The following SERPINE3 variants were observed in gnomAD, a reference collection of about 807,000 sequenced individuals.
SERPINE3 encodes the protein serpin E3.
A neutral mutation model predicts 41.7 loss-of-function variants in SERPINE3; 43 were observed. The ratio of observed to expected loss-of-function variants is 1.03; its 90% CI spans 0.81 to 1.33. The LOEUF (loss-of-function observed/expected upper bound fraction) is 1.33. Among genes scored for constraint, SERPINE3 ranks in the 40% most tolerant of loss-of-function variants. SERPINE3 has a pLI of 0.00. For synonymous variants in SERPINE3, 200 were observed against 192.2 expected (o/e 1.04, Z -0.34); for missense variants, 440 against 491.7 (o/e 0.89, Z 0.99).
chr13:51,354,867 G>A (rs947101763), intron 6 of SERPINE3, among the ~76,000 whole-genome samples, 176 bp from the exon 7 acceptor site: 1 of 152,182 alleles, frequency 6.6e-6, no homozygotes, highest in African/African-American at 2.4e-5. Context: ...AGGTGGGGAA[G>A]AGCCCTGTGT....
chr13:51,344,940 A>T (rs547683547), intron 4 of SERPINE3, among the ~76,000 whole-genome samples: 1 of 152,286 alleles, frequency 6.6e-6, no homozygotes, highest in Admixed American at 6.5e-5. Flanking sequence ...ACACACAATA[A>T]GATGTTTAGC....
intron 6 of SERPINE3, among the ~76,000 whole-genome samples, chr13:51,350,904 C>T (rs1247196729): frequency 6.6e-6 from 1 of 152,058 alleles, no homozygotes; most frequent in East Asian, 1.9e-4. Flanking sequence ...TACAATTATA[C>T]AATATGTGGC....
At chr13:51,339,942 G>C (rs1183531761) in intron 1 of SERPINE3, among the ~76,000 whole-genome samples, 199 bp downstream of exon 1, 3 of 152,162 alleles carry the variant, frequency 2.0e-5, no homozygotes, top group Non-Finnish European at 4.4e-5. Flanking sequence ...GAAAGAGAGA[G>C]AGAGAGAGCC....
Position 51,347,031 on chromosome 13 carries a change from G to T in SERPINE3, c.497G>T (p.Gly166Val). The change falls in exon 5 of 10, where the codon GGC becomes GTC. Residue 166 changes from glycine (G) to valine (V), a missense_variant. Gly to Val is a moderately radical substitution (Grantham distance 109). Transcript: ENST00000681248. ...CTTGCTTTCCTGCTTGCAGGTGGGGGCCCCAGTGAGGGCCCTGGTGGCTGG... is the reference window on the plus strand; with the variant it reads ...CTTGCTTTCCTGCTTGCAGGTGGGGTCCCCAGTGAGGGCCCTGGTGGCTGG... Reference protein sequence around the residue: ...EGASRETAGGGPSEGPGGWPW... With the variant: ...EGASRETAGGVPSEGPGGWPW... 1 of 1,577,668 alleles carries T rather than the reference G, an allele frequency of 6.3e-7. No individual in the cohort carries two copies. The highest frequency in any genetic ancestry group is 8.6e-7 in the Non-Finnish European group (1 of 1,161,108).
rs371886858 is a variant in SERPINE3 at position 51,342,623 on chromosome 13, TCTA to T, written c.256+1280_256+1282del. Among the ~76,000 whole-genome samples, 79 of 152,254 alleles carry T rather than the reference TCTA, an allele frequency of 5.2e-4. No homozygotes were observed. In the East Asian group the frequency reaches 0.012, roughly 23 times the overall value. On this transcript the variant is annotated intron_variant, in intron 3 of 9. Transcript: ENST00000681248. ...AAAAATTCACTTCAAGCCAACTTAC[TCTA>T]CTATTTTAATGTTTCTGACTAAAAG...
At chr13:51,361,774 A>C (rs1410246716) in intron 8 of SERPINE3, 36 bp from the exon 9 acceptor site, 2 of 1,550,128 alleles carry the variant, frequency 1.3e-6, no homozygotes, top group South Asian at 2.4e-5. Flanking sequence ...AAAAATGCAC[A>C]GAAAATGCAA....
chr13:51,354,591 GAA>G (rs11318595), intron 6 of SERPINE3, among the ~76,000 whole-genome samples: 6 of 130,014 alleles, frequency 4.6e-5, no homozygotes, highest in East Asian at 4.5e-4. Context: ...CCCCATCTCA[GAA>G]AAAAAAAAAA....
At chr13:51,350,565 T>C (rs1955394358) in intron 6 of SERPINE3, among the ~76,000 whole-genome samples, 1 of 152,180 alleles carries the variant, frequency 6.6e-6, no homozygotes, top group Non-Finnish European at 1.5e-5. Flanking sequence ...AGTTTTGCCC[T>C]TCCTCCCAGG....
chr13:51,348,292 G>C lies in SERPINE3; in HGVS notation c.780G>C (p.Leu260=), dbSNP rs548142437. 12 of 1,611,928 alleles carry C rather than the reference G, an allele frequency of 7.4e-6. No homozygotes were observed. The Admixed American group carries it at 8.4e-5, about 11-fold the overall frequency. The change falls in exon 6 of 10, where the codon CTG becomes CTC. Residue 260 remains leucine (L), a synonymous_variant. Coordinates refer to ENST00000681248, the MANE Select transcript of SERPINE3 (RefSeq NM_001386375.1). ...TGGGAAGTGCAGTGAGTCTGTTCCT[G>C]GTGCTGCCCCGTGACAAAGACACCC... is the stretch of plus-strand genomic sequence containing the variant. ...PYLGSAVSLF[L]VLPRDKDTPL...
intron 7 of SERPINE3, among the ~76,000 whole-genome samples, chr13:51,356,070 T>C (rs765750808): frequency 6.6e-6 from 1 of 152,190 alleles, no homozygotes; most frequent in Non-Finnish European, 1.5e-5. Context: ...GTTTGGGCTT[T>C]AGATGTGACC....
At chr13:51,355,292 T>C in intron 7 of SERPINE3, 149 bp downstream of exon 7, 3 of 577,300 alleles carry the variant, frequency 5.2e-6, no homozygotes, top group Non-Finnish European at 9.2e-6. Context: ...TTGCTTCTAA[T>C]AACAGTCAAA....
At chr13:51,350,937 A>G (rs75229700) in intron 6 of SERPINE3, among the ~76,000 whole-genome samples, 1 of 152,270 alleles carries the variant, frequency 6.6e-6, no homozygotes, top group African/African-American at 2.4e-5. Flanking sequence ...GCTTCTTTGC[A>G]TAATATTTTC....
At chr13:51,340,010 T>C (rs933652546) in intron 1 of SERPINE3, among the ~76,000 whole-genome samples, 2 of 152,008 alleles carry the variant, frequency 1.3e-5, no homozygotes, top group East Asian at 3.8e-4. Flanking sequence ...GAGGAAGGGT[T>C]GGAAAAAAGA....
Position 51,364,405 on chromosome 13 carries a change from A to G in SERPINE3, c.*123A>G. On this transcript the variant is annotated 3_prime_UTR_variant, in exon 10 of 10. Transcript: ENST00000681248. ...AAAAGCTAAGGGTATGTGATTTTCAATATTATAAACCTAAAAATACTTCAG... is the reference window on the plus strand; with the variant it reads ...AAAAGCTAAGGGTATGTGATTTTCAGTATTATAAACCTAAAAATACTTCAG... 1 of 522,416 alleles carries G rather than the reference A, an allele frequency of 1.9e-6. No individual in the cohort carries two copies. Among genetic ancestry groups the G allele is most frequent in the Non-Finnish European group, 3.3e-6 (1 of 306,204 alleles). 32.4% of individuals were successfully genotyped at this position (522,416 alleles called of 1,614,324 possible).
Position 51,347,052 on chromosome 13 carries a change from G to A in SERPINE3, c.518G>A (p.Gly173Asp), listed in dbSNP as rs776468580. Reference protein sequence around the residue: ...AGGGPSEGPGGWPWEQVSAAF... With the variant: ...AGGGPSEGPGDWPWEQVSAAF... ...GGGGGCCCCAGTGAGGGCCCTGGTGGCTGGCCGTGGGAGCAAGTCAGTGCA... is the reference window on the plus strand; with the variant it reads ...GGGGGCCCCAGTGAGGGCCCTGGTGACTGGCCGTGGGAGCAAGTCAGTGCA... Residue 173 changes from glycine to aspartate, a missense_variant, in exon 5 of 10, where the codon GGC becomes GAC. Transcript: ENST00000681248. The A allele has an allele frequency of 6.3e-7, 1 of 1,591,654 alleles. No homozygotes were observed. The highest frequency in any genetic ancestry group is 1.1e-5 in the South Asian group (1 of 87,424).
rs1481589372 is a variant in SERPINE3 at position 51,362,135 on chromosome 13, AG to A, written c.1171+243del. ...CTCTCAGCTCATATATAGTTAATGT[AG>A]ATTTTTTTTTTTAATGCTATAGGTT... is the stretch of plus-strand genomic sequence containing the variant. On this transcript the variant is annotated intron_variant, in intron 9 of 9. Coordinates refer to ENST00000681248, the MANE Select transcript of SERPINE3 (RefSeq NM_001386375.1). The A allele has an allele frequency of 8.8e-4, 1,119 of 1,277,654 alleles. 4 individuals carry two copies. Among genetic ancestry groups the A allele is most frequent in the South Asian group, 1.4e-3 (73 of 50,606 alleles). The allele number at this position is 1,277,654 out of a possible 1,614,324, so 79.1% of individuals were successfully genotyped here.
At chr13:51,348,072 C>T (rs1338990784) in intron 5 of SERPINE3, 141 bp from the exon 6 acceptor site, 17 of 643,946 alleles carry the variant, frequency 2.6e-5, no homozygotes, top group Non-Finnish European at 4.1e-5. Flanking sequence ...AGTCTTTGGC[C>T]TGAAACCGCC....
At position 51,360,563 on chromosome 13, in the gene SERPINE3, A is replaced by G. The variant is rs536192022; in HGVS notation, c.1001-715A>G. 1.3e-3 allele frequency among the ~76,000 whole-genome samples: 196 copies of G among 152,206 alleles called. 1 individual carries two copies. The highest frequency in any genetic ancestry group is 3.4e-3 in the Middle Eastern group (1 of 294). ...CTTACAAAAATCAGCCAATTCCTCTAAATTATCACTTAGTCCTATTTGCTA... is the reference window on the plus strand; with the variant it reads ...CTTACAAAAATCAGCCAATTCCTCTGAATTATCACTTAGTCCTATTTGCTA... On this transcript the variant is annotated intron_variant, in intron 7 of 9. Transcript: ENST00000681248.
In SERPINE3 at chr13:51,348,331, C is replaced by T. The variant is rs187355657; in HGVS notation, c.819C>T (p.Ile273=). 811 of 1,613,906 alleles carry T rather than the reference C, an allele frequency of 5.0e-4. No homozygotes were observed. The highest frequency in any genetic ancestry group is 6.2e-4 in the Admixed American group (37 of 60,026). Residue 273 remains isoleucine (I), a synonymous_variant, in exon 6 of 10, where the codon ATC becomes ATT. Transcript: ENST00000681248. ...PRDKDTPLSH[I]EPHLTASTIH... ...ACAAAGACACCCCCCTGAGCCACAT[C>T]GAGCCACACCTCACAGCCAGCACCA...
Sources: allele counts gnomAD v4.1 joint callset (sites outside exome capture counted in the v4.1 genomes callset), GRCh38; gene constraint gnomAD v4.1.1; transcripts MANE v1.5; gene names NCBI Gene and HGNC (gene_info 2026-07-23, HGNC 2026-07-21).